PRRX1: variants seen among roughly 807,000 people sequenced by gnomAD.
The protein encoded by PRRX1 is paired related homeobox 1.
A neutral mutation model predicts 24.0 loss-of-function variants in PRRX1; 8 were observed. The ratio of observed to expected loss-of-function variants is 0.33; its 90% CI spans 0.20 to 0.60. The LOEUF is 0.60. Ranked by LOEUF, PRRX1 falls within the 20% of genes least tolerant of loss-of-function variation. PRRX1 has a pLI of 0.82. For synonymous variants in PRRX1, 160 were observed against 131.7 expected (o/e 1.22, Z -1.47); for missense variants, 281 against 322.4 (o/e 0.87, Z 0.98).
Position 170,719,843 on chromosome 1 carries a change from A to G in PRRX1, c.359A>G (p.Asp120Gly). Residue 120 changes from aspartate to glycine, a missense_variant, in exon 2 of 4, where the codon GAT (aspartate) becomes GGT (glycine). By Grantham distance (94) the Asp-to-Gly change is moderately conservative. Transcript: ENST00000239461. ...ERVFERTHYP[D>G]AFVREDLARR... ...GTCTTTGAGCGGACACACTATCCTG[A>G]TGCTTTTGTGCGAGAAGACCTTGCC... is the stretch of plus-strand genomic sequence containing the variant. The G allele has an allele frequency of 6.2e-7, 1 of 1,614,182 alleles. No individual in the cohort carries two copies. The highest frequency in any genetic ancestry group is 8.5e-7 in the Non-Finnish European group (1 of 1,180,042).
chr1:170,707,894 G>T lies in PRRX1; in HGVS notation c.242-11832G>T, dbSNP rs185095328. On this transcript the variant is annotated intron_variant, in intron 1 of 3. Transcript: ENST00000239461. ...GGGAAAACCTGAAAAAAGACCCAAG[G>T]TTATATGAGGAAATATATCTGTAAT... Among the ~76,000 whole-genome samples the T allele has an allele frequency of 2.7e-4, 41 of 152,224 alleles. 1 individual carries two copies. In the East Asian group the frequency reaches 6.9e-3, roughly 26 times the overall value.
intron 2 of PRRX1, among the ~76,000 whole-genome samples, chr1:170,722,403 G>C (rs1468084408): frequency 6.6e-6 from 1 of 151,898 alleles, no homozygotes; most frequent in Non-Finnish European, 1.5e-5. Context: ...CACTTATCAA[G>C]CACATATTAT....
chr1:170,706,509 G>T (rs528625656), intron 1 of PRRX1, among the ~76,000 whole-genome samples: 2 of 152,198 alleles, frequency 1.3e-5, no homozygotes, highest in Admixed American at 6.5e-5. Context: ...ACTTTTTTGG[G>T]CCAGAGACAG....
intron 1 of PRRX1, among the ~76,000 whole-genome samples, chr1:170,699,312 T>G (rs1368085146): frequency 6.6e-6 from 1 of 152,136 alleles, no homozygotes; most frequent in Non-Finnish European, 1.5e-5. Flanking sequence ...GATTTTTATT[T>G]ATTTTACTTT....
intron 1 of PRRX1, among the ~76,000 whole-genome samples, chr1:170,682,351 C>CGCCACTG (rs1183614768): frequency 4.0e-5 from 6 of 150,054 alleles, no homozygotes; most frequent in Admixed American, 1.3e-4. Flanking sequence ...CTTAAGAATG[C>CGCCACTG]CAGTAAGGTT....
chr1:170,724,845 G>A (rs1655203618), intron 2 of PRRX1, among the ~76,000 whole-genome samples: 1 of 152,148 alleles, frequency 6.6e-6, no homozygotes, highest in South Asian at 2.1e-4. Flanking sequence ...GATGGGAATA[G>A]CATTAGATCT....
At chr1:170,672,301 G>A (rs1653169410) in intron 1 of PRRX1, among the ~76,000 whole-genome samples, 1 of 152,188 alleles carries the variant, frequency 6.6e-6, no homozygotes, top group African/African-American at 2.4e-5. Context: ...GGCACGGTGA[G>A]AGTAACAAAC....
chr1:170,672,999 C>T (rs1020269205), intron 1 of PRRX1, among the ~76,000 whole-genome samples: 1 of 152,086 alleles, frequency 6.6e-6, no homozygotes, highest in Non-Finnish European at 1.5e-5. Context: ...TTTCTAGGAT[C>T]CTCAGAAAAC....
intron 1 of PRRX1, among the ~76,000 whole-genome samples, chr1:170,678,362 TGTC>T (rs1253246533): frequency 2.0e-5 from 3 of 152,210 alleles, no homozygotes; most frequent in African/African-American, 7.2e-5. Flanking sequence ...GGCTAGCAGT[TGTC>T]GTACATGTGG....
At chr1:170,702,005 G>A (rs1249633368) in intron 1 of PRRX1, among the ~76,000 whole-genome samples, 3 of 152,000 alleles carry the variant, frequency 2.0e-5, no homozygotes, top group African/African-American at 7.2e-5. Context: ...ATGGATGGGG[G>A]AAGGCGGGGG....
chr1:170,678,828 T>C (rs936059742), intron 1 of PRRX1, among the ~76,000 whole-genome samples: 58 of 152,210 alleles, frequency 3.8e-4, no homozygotes, highest in African/African-American at 1.4e-3. Context: ...TCTAGTGTCC[T>C]TATACTCTAA....
intron 3 of PRRX1, among the ~76,000 whole-genome samples, chr1:170,731,700 A>G (rs1304384007): frequency 6.6e-6 from 1 of 152,012 alleles, no homozygotes; most frequent in Non-Finnish European, 1.5e-5. Flanking sequence ...TGAAAACAGT[A>G]CTCCACCTCT....
At chr1:170,718,640 G>C (rs761504942) in intron 1 of PRRX1, among the ~76,000 whole-genome samples, 2 of 152,206 alleles carry the variant, frequency 1.3e-5, no homozygotes, top group Non-Finnish European at 2.9e-5. Context: ...GGGAATGTAA[G>C]TCAAGTTCAT....
chr1:170,716,392 G>A (rs1407355896), intron 1 of PRRX1, among the ~76,000 whole-genome samples: 1 of 152,090 alleles, frequency 6.6e-6, no homozygotes, highest in East Asian at 1.9e-4. Context: ...AGACCATCCC[G>A]GCTAACACGG....
rs550439925 is a variant in PRRX1 at position 170,705,370 on chromosome 1, C to T, written c.242-14356C>T. On this transcript the variant is annotated intron_variant, in intron 1 of 3. Transcript: ENST00000239461. The stretch of plus-strand genomic sequence containing the variant: ...AATCATGGCCTCAGTGCAGCCTCAA[C>T]CACCTGGGCTCAGGTGATCCTCCCA... Among the ~76,000 whole-genome samples the T allele has an allele frequency of 1.1e-4, 17 of 152,308 alleles. No homozygotes were observed. The South Asian group carries it at 3.5e-3, about 32-fold the overall frequency.
chr1:170,664,812 T>A (rs1406136310), intron 1 of PRRX1, among the ~76,000 whole-genome samples: 2 of 152,138 alleles, frequency 1.3e-5, no homozygotes, highest in East Asian at 3.9e-4. Flanking sequence ...TGGGAAAAGG[T>A]CTTAGCGGGG....
intron 1 of PRRX1, among the ~76,000 whole-genome samples, chr1:170,688,916 C>CTATG (rs1187584767): frequency 2.0e-5 from 3 of 151,988 alleles, no homozygotes; most frequent in African/African-American, 7.2e-5. Context: ...TATTCTTTAG[C>CTATG]TATGCATCTT....
chr1:170,725,615 T>C (rs755026457), intron 2 of PRRX1, among the ~76,000 whole-genome samples: 1 of 152,234 alleles, frequency 6.6e-6, no homozygotes, highest in Non-Finnish European at 1.5e-5. Flanking sequence ...CTCTGCAGGA[T>C]TGAGCTACCA....
At chr1:170,690,897 C>A (rs1353414230) in intron 1 of PRRX1, among the ~76,000 whole-genome samples, 1 of 152,018 alleles carries the variant, frequency 6.6e-6, no homozygotes, top group Non-Finnish European at 1.5e-5. Flanking sequence ...TTGCTGTGAG[C>A]ATCAAAATAA....
Sources: gnomAD v4.1 joint callset for allele counts (sites outside exome capture counted in the v4.1 genomes callset) on GRCh38, gnomAD v4.1.1 for gene constraint, MANE v1.5 for transcripts, NCBI Gene and HGNC (gene_info 2026-07-23, HGNC 2026-07-21) for gene names.